Variants in ZNF750 observed in about 807,000 individuals in gnomAD.
The protein encoded by ZNF750 is zinc finger protein 750, also known as protein ZNF750.
A neutral mutation model predicts 31.6 loss-of-function variants in ZNF750; 10 were observed. The ratio of observed to expected loss-of-function variants is 0.32; its 90% CI spans 0.19 to 0.54. The LOEUF is 0.54. Among genes scored for constraint, ZNF750 ranks in the 20% least tolerant of loss-of-function variants. ZNF750 has a pLI of 0.95. For missense variants in ZNF750, 914 were observed against 934.9 expected (o/e 0.98, Z 0.29); for synonymous variants, 400 against 404.9 (o/e 0.99, Z 0.15).
chr17:82,831,644 G>T lies in ZNF750; in HGVS notation c.811C>A (p.Pro271Thr), dbSNP rs1894286464. Residue 271 changes from proline to threonine, a missense_variant, in exon 2 of 3, where the codon CCC becomes ACC. Pro to Thr is a conservative substitution (Grantham distance 38). This residue lies in a region of ZNF750 where 880 missense variants were observed against 868.9 expected (regional missense o/e 1.01). Transcript: ENST00000269394. This position sits in a 1 kb window ranked among gnomAD's most constrained non-coding sequence, Gnocchi z 4.6. ...LAGSSPECDA[P>T]LLSVYGTQDP... is the part of the protein sequence containing the mutation. ...TGGGTTCCGTAGACTGACAGCAGGG[G>T]TGCGTCACACTCAGGCGAGCTCCCA... is the stretch of plus-strand genomic sequence containing the variant. The T allele has an allele frequency of 6.2e-7, 1 of 1,614,172 alleles. No individual in the cohort carries two copies. The highest frequency in any genetic ancestry group is 2.2e-5 in the East Asian group (1 of 44,882).
At position 82,832,909 on chromosome 17, in the gene ZNF750, G is replaced by C. The variant is rs755626452; in HGVS notation, c.-182-273C>G. On this transcript the variant is annotated intron_variant, in intron 1 of 2. Transcript: ENST00000269394. The surrounding 1 kb of genome is among the most constrained non-coding windows in gnomAD (Gnocchi z 4.9). ...AGAGGTGGAGTGTGGTGTGTGGTGC[G>C]TTGAGTGTCTGTTCTGAGAATGCCT... is the stretch of plus-strand genomic sequence containing the variant. 6.6e-6 allele frequency among the ~76,000 whole-genome samples: 1 copy of C among 152,178 alleles called. No individual in the cohort carries two copies. The highest frequency in any genetic ancestry group is 2.4e-5 in the African/African-American group (1 of 41,432).
intron 1 of ZNF750, among the ~76,000 whole-genome samples, chr17:82,834,047 C>T (rs1213282918): frequency 6.6e-6 from 1 of 152,058 alleles, no homozygotes; most frequent in African/African-American, 2.4e-5. Context: ...TGGGTTCAAG[C>T]GATTCTCCTG....
rs180896652 is a variant in ZNF750, at chr17:82,831,073, C to T, written c.1382G>A (p.Ser461Asn). ...SLTAFRPVKK[S>N]TECLPAQAAE... Reference sequence around the variant, plus strand: ...AGCCTGGGCAGGTAGGCATTCTGTGCTTTTCTTAACAGGCCTGAAGGCTGT... The same window carrying T: ...AGCCTGGGCAGGTAGGCATTCTGTGTTTTTCTTAACAGGCCTGAAGGCTGT... The change falls in exon 2 of 3, where the codon AGC becomes AAC. Residue 461 changes from serine to asparagine, a missense_variant. Coordinates refer to ENST00000269394, the MANE Select transcript of ZNF750 (RefSeq NM_024702.3). This position sits in a 1 kb window ranked among gnomAD's most constrained non-coding sequence, Gnocchi z 4.6. 5 of 1,614,204 alleles carry T rather than the reference C, an allele frequency of 3.1e-6. No homozygotes were observed. In the Admixed American group the frequency reaches 5.0e-5, roughly 16 times the overall value.
chr17:82,831,388 A>T lies in ZNF750; in HGVS notation c.1067T>A (p.Val356Asp), dbSNP rs774695767. The T allele has an allele frequency of 3.1e-5, 50 of 1,613,956 alleles. No homozygotes were observed. The highest frequency in any genetic ancestry group is 4.2e-5 in the Non-Finnish European group (49 of 1,180,020). ...CCTGGAAGGACTCGAGGCTGGATAGACCAGGGTGGCTTCTTCAAGCAGGTG... is the reference window on the plus strand; with the variant it reads ...CCTGGAAGGACTCGAGGCTGGATAGTCCAGGGTGGCTTCTTCAAGCAGGTG... ...SSHLLEEATL[V>D]YPASSPSRLN... Residue 356 changes from valine (V) to aspartate (D), a missense_variant, in exon 2 of 3, where the codon GTC becomes GAC. By Grantham distance (152) the Val-to-Asp change is radical. Around this residue, in one of 2 missense-constraint regions of ZNF750, gnomAD observed 880 missense variants for 868.9 expected, o/e 1.01. Transcript: ENST00000269394. This position sits in a 1 kb window ranked among gnomAD's most constrained non-coding sequence, Gnocchi z 4.6.
chr17:82,838,841 A>G (rs2054209664), intron 1 of ZNF750: 1 of 985,332 alleles, frequency 1.0e-6, no homozygotes, highest in Non-Finnish European at 1.2e-6. Flanking sequence ...GAGCTCGTAA[A>G]CAAACGCTCA....
rs374576180 is a variant in ZNF750 at position 82,833,083 on chromosome 17, G to C, written c.-182-447C>G. On this transcript the variant is annotated intron_variant, in intron 1 of 2. Coordinates refer to ENST00000269394, the MANE Select transcript of ZNF750 (RefSeq NM_024702.3). This position sits in a 1 kb window ranked among gnomAD's most constrained non-coding sequence, Gnocchi z 4.7. ...GCCCGACTCTGCTTGGGGGTTACAC[G>C]CTTGAAGCAGTGGGTGTGTGATCGG... Among the ~76,000 whole-genome samples, 1 of 152,126 alleles carries C rather than the reference G, an allele frequency of 6.6e-6. No individual in the cohort carries two copies. Among genetic ancestry groups the C allele is most frequent in the African/African-American group, 2.4e-5 (1 of 41,432 alleles).
chr17:82,837,055 T>C (rs2054048409), intron 1 of ZNF750, among the ~76,000 whole-genome samples: 1 of 152,222 alleles, frequency 6.6e-6, no homozygotes, highest in South Asian at 2.1e-4. Context: ...AATTTGCTAA[T>C]TAAAACAGGG....
In ZNF750 at chr17:82,832,535, G is replaced by C. The variant is rs930885154; in HGVS notation, c.-81C>G. On this transcript the variant is annotated 5_prime_UTR_variant, in exon 2 of 3. Coordinates refer to ENST00000269394, the MANE Select transcript of ZNF750 (RefSeq NM_024702.3). This position sits in a 1 kb window ranked among gnomAD's most constrained non-coding sequence, Gnocchi z 4.9. ...CCGCGTGCACTTCGTGGTTTCTAAA[G>C]AGGCACCTCCCGCTTTGCTTTCTTT... is the stretch of plus-strand genomic sequence containing the variant. 7.9e-7 allele frequency: 1 copy of C among 1,259,440 alleles called. No individual in the cohort carries two copies. Among genetic ancestry groups the C allele is most frequent in the Non-Finnish European group, 1.1e-6 (1 of 874,664 alleles). 78.0% of individuals were successfully genotyped at this position (1,259,440 alleles called of 1,614,324 possible).
Position 82,830,045 on chromosome 17 carries a change from A to G in ZNF750, c.*97T>C. On this transcript the variant is annotated 3_prime_UTR_variant, in exon 3 of 3. Transcript: ENST00000269394. ...TTTGAGAAGCAGCAGCTGCATTTGT[A>G]AAAATGTGAAAGTGCCAGTTCAGAG... 1.3e-6 allele frequency: 2 copies of G among 1,563,248 alleles called. No individual in the cohort carries two copies. Among genetic ancestry groups the G allele is most frequent in the South Asian group, 1.1e-5 (1 of 87,830 alleles).
chr17:82,835,844 C>T lies in ZNF750; in HGVS notation c.-182-3208G>A, dbSNP rs939355345. Among the ~76,000 whole-genome samples, 2 of 152,222 alleles carry T rather than the reference C, an allele frequency of 1.3e-5. No individual in the cohort carries two copies. The highest frequency in any genetic ancestry group is 2.9e-5 in the Non-Finnish European group (2 of 68,044). On this transcript the variant is annotated intron_variant, in intron 1 of 2. Transcript: ENST00000269394. The surrounding 1 kb of genome is among the most constrained non-coding windows in gnomAD (Gnocchi z 4.5). ...AGAAGTGGTTTGGGTAGAAAAGGGG[C>T]TCTGCTGACCTGCCACCTTCGCTGT...
chr17:82,831,376 G>C lies in ZNF750; in HGVS notation c.1079C>G (p.Ser360Trp), dbSNP rs771100167. 3 of 1,614,182 alleles carry C rather than the reference G, an allele frequency of 1.9e-6. No individual in the cohort carries two copies. In the East Asian group the frequency reaches 6.7e-5, roughly 36 times the overall value. ...LEEATLVYPA[S>W]SPSRLNPSDP... is the part of the protein sequence containing the mutation. ...CGAAGGGTTTAACCTGGAAGGACTC[G>C]AGGCTGGATAGACCAGGGTGGCTTC... The change falls in exon 2 of 3, where the codon TCG becomes TGG. Residue 360 changes from serine (S) to tryptophan (W), a missense_variant. By Grantham distance (177) the Ser-to-Trp change is radical (BLOSUM62 -3). Around this residue, in one of 2 missense-constraint regions of ZNF750, gnomAD observed 880 missense variants for 868.9 expected, o/e 1.01. Transcript: ENST00000269394. The surrounding 1 kb of genome is among the most constrained non-coding windows in gnomAD (Gnocchi z 4.6).
At position 82,832,489 on chromosome 17, in the gene ZNF750, G is replaced by A. The variant is rs371951699; in HGVS notation, c.-35C>T. ...TATGCCTTGGACTCTGGCTGTCCAG[G>A]TGGCGTGATCACTGTCGACGCCGCG... On this transcript the variant is annotated 5_prime_UTR_variant, in exon 2 of 3. Transcript: ENST00000269394. This position sits in a 1 kb window ranked among gnomAD's most constrained non-coding sequence, Gnocchi z 4.9. The A allele has an allele frequency of 4.4e-6, 7 of 1,592,458 alleles. No individual in the cohort carries two copies. The highest frequency in any genetic ancestry group is 3.3e-5 in the Admixed American group (2 of 59,952).
At chr17:82,836,906 G>A (rs899034146) in intron 1 of ZNF750, among the ~76,000 whole-genome samples, 3 of 152,168 alleles carry the variant, frequency 2.0e-5, no homozygotes, top group African/African-American at 2.4e-5. Context: ...GTTAGTTCAC[G>A]TAAGCGGGTG....
intron 1 of ZNF750, among the ~76,000 whole-genome samples, chr17:82,837,822 C>T (rs2054117293): frequency 6.6e-6 from 1 of 152,224 alleles, no homozygotes; most frequent in Non-Finnish European, 1.5e-5. Context: ...CACACCTCCT[C>T]CGAGCCTGGC....
rs1160789893 is a variant in ZNF750 at position 82,833,491 on chromosome 17, A to G, written c.-182-855T>C. On this transcript the variant is annotated intron_variant, in intron 1 of 2. Coordinates refer to ENST00000269394, the MANE Select transcript of ZNF750 (RefSeq NM_024702.3). This position sits in a 1 kb window ranked among gnomAD's most constrained non-coding sequence, Gnocchi z 4.7. ...TTATGTTGTCTCAGATATGAATACA[A>G]ATGCTATATTTATGTTGACTTAAAT... Among the ~76,000 whole-genome samples the G allele has an allele frequency of 6.6e-6, 1 of 152,186 alleles. No homozygotes were observed. Among genetic ancestry groups the G allele is most frequent in the Non-Finnish European group, 1.5e-5 (1 of 68,042 alleles).
intron 1 of ZNF750, among the ~76,000 whole-genome samples, chr17:82,834,001 A>G (rs11657931): frequency 0.47 from 70,326 of 151,086 alleles, 17,243 homozygotes; most frequent in South Asian, 0.64. Flanking sequence ...CTGGAGTGCC[A>G]TGGCGCAATC....
In ZNF750 at chr17:82,832,506, G is replaced by T; in HGVS notation, c.-52C>A. On this transcript the variant is annotated 5_prime_UTR_variant, in exon 2 of 3. Coordinates refer to ENST00000269394, the MANE Select transcript of ZNF750 (RefSeq NM_024702.3). This position sits in a 1 kb window ranked among gnomAD's most constrained non-coding sequence, Gnocchi z 4.9. ...CTGTCCAGGTGGCGTGATCACTGTC[G>T]ACGCCGCGTGCACTTCGTGGTTTCT... 1 of 1,515,590 alleles carries T rather than the reference G, an allele frequency of 6.6e-7. No homozygotes were observed. Among genetic ancestry groups the T allele is most frequent in the Non-Finnish European group, 9.1e-7 (1 of 1,102,668 alleles). 93.9% of individuals were successfully genotyped at this position (1,515,590 alleles called of 1,614,324 possible).
Position 82,830,402 on chromosome 17 carries a change from GGGCCAC to G in ZNF750, c.1906_1911del (p.Val636_Ala637del). 1 of 1,611,892 alleles carries G rather than the reference GGGCCAC, an allele frequency of 6.2e-7. No individual in the cohort carries two copies. The highest frequency in any genetic ancestry group is 8.5e-7 in the Non-Finnish European group (1 of 1,179,962). The stretch of plus-strand genomic sequence containing the variant: ...GGGCTGTAGGCCGCCAGCTGGCACA[GGGCCAC>G]GGCTGCCGTCTGCTTCTGCTCCTCG... On this transcript the variant is annotated inframe_deletion, in exon 3 of 3. Transcript: ENST00000269394.
In ZNF750 at chr17:82,830,470, C is replaced by A; in HGVS notation, c.1844G>T (p.Gly615Val). ...CGCGCATGCGTCTGGAGCCTCCTCG[C>A]CGGGGCCTGTGGGTGGGGCCCCGTC... ...DGDGAPPTGP[G>V]EEAPDACAVD... The change falls in exon 3 of 3, where the codon GGC (glycine) becomes GTC (valine). Residue 615 changes from glycine to valine, a missense_variant. Gly to Val is a moderately radical substitution (Grantham distance 109). Coordinates refer to ENST00000269394, the MANE Select transcript of ZNF750 (RefSeq NM_024702.3). The A allele has an allele frequency of 6.2e-7, 1 of 1,613,058 alleles. No homozygotes were observed. The highest frequency in any genetic ancestry group is 8.5e-7 in the Non-Finnish European group (1 of 1,179,732).
Sources: allele counts gnomAD v4.1 joint callset (sites outside exome capture counted in the v4.1 genomes callset), GRCh38; gene constraint gnomAD v4.1.1; regional missense constraint gnomAD v4.1.1; non-coding constraint Gnocchi (gnomAD v3.1); transcripts MANE v1.5; gene names NCBI Gene and HGNC (gene_info 2026-07-23, HGNC 2026-07-21).